The following RACGAP1 variants were observed in gnomAD, a reference collection of about 807,000 sequenced individuals.
The protein encoded by RACGAP1 is rac GTPase-activating protein 1.
Under a neutral mutation model 78.1 loss-of-function variants are expected in RACGAP1, and 30 were observed. The observed-to-expected ratio is 0.38, with a 90% CI of 0.29 to 0.52. RACGAP1 has a LOEUF of 0.52. Ranked by LOEUF, RACGAP1 falls within the 20% of genes least tolerant of loss-of-function variation. The pLI, the probability that RACGAP1 is intolerant of heterozygous loss-of-function variation, is 0.82. For missense variants in RACGAP1, 587 were observed against 777.1 expected, an observed-to-expected ratio of 0.76 and a Z score of 2.91; for synonymous variants, 231 against 264.8, an observed-to-expected ratio of 0.87 and a Z score of 1.24.
chr12:49,998,795 G>C (rs1183664216), intron 9 of RACGAP1, among the ~76,000 whole-genome samples: 1 of 151,870 alleles, frequency 6.6e-6, no homozygotes, highest in East Asian at 1.9e-4. Flanking sequence ...CTACTCAGGA[G>C]GCTGAGGCAG....
chr12:50,016,921 T>C, intron 1 of RACGAP1: 2 of 1,341,224 alleles, frequency 1.5e-6, no homozygotes, highest in Non-Finnish European at 1.9e-6. Flanking sequence ...CATCTGAAAA[T>C]TAGAAAACCA....
intron 7 of RACGAP1, among the ~76,000 whole-genome samples, chr12:50,000,199 G>A (rs1377350487): frequency 6.6e-6 from 1 of 151,900 alleles, no homozygotes; most frequent in Non-Finnish European, 1.5e-5. Flanking sequence ...ATTTTTAGTA[G>A]AGATGGGGTT....
In RACGAP1 at chr12:50,003,773, C is replaced by T. The variant is rs79952151; in HGVS notation, c.495+462G>A. Among the ~76,000 whole-genome samples, 274 of 152,298 alleles carry T rather than the reference C, an allele frequency of 1.8e-3. 7 individuals are homozygous for T. The East Asian group carries it at 0.047, about 26-fold the overall frequency. ...ATATAGTGCCTAGAAACTCTAATCA[C>T]ACTTTTCTGGCTGAAATCCCAGGAC... On this transcript the variant is annotated intron_variant, in intron 5 of 16. Coordinates refer to ENST00000312377, the MANE Select transcript of RACGAP1 (RefSeq NM_001319999.2).
At chr12:50,033,080 A>G (rs1180764675) in exon 1 of RACGAP1, 1 of 152,218 alleles carries the variant, frequency 6.6e-6, no homozygotes, top group African/African-American at 2.4e-5. Context: ...CTGGCTGCCA[A>G]CCGTCTGGCC....
At chr12:49,996,191 G>A (rs971777362) in intron 10 of RACGAP1, among the ~76,000 whole-genome samples, 38 of 151,920 alleles carry the variant, frequency 2.5e-4, no homozygotes, top group African/African-American at 9.2e-4. Flanking sequence ...GCACATGGCT[G>A]TAGTCCCAGC....
intron 6 of RACGAP1, 76 bp from the exon 7 acceptor site, chr12:50,001,328 A>C: frequency 2.4e-6 from 3 of 1,228,894 alleles, no homozygotes; most frequent in Non-Finnish European, 3.5e-6. Flanking sequence ...ATTCCATCAA[A>C]CAACTTGGAT....
intron 4 of RACGAP1, 21 bp downstream of exon 4, chr12:50,005,235 C>T (rs1329749046): frequency 6.2e-7 from 1 of 1,613,574 alleles, no homozygotes; most frequent in Non-Finnish European, 8.5e-7. Context: ...GATAGGATAA[C>T]AACAGATGCA....
intron 1 of RACGAP1, among the ~76,000 whole-genome samples, chr12:50,024,148 G>A (rs1186685681): frequency 8.6e-5 from 13 of 151,382 alleles, no homozygotes; most frequent in Non-Finnish European, 7.4e-5. Flanking sequence ...GCGACACAGC[G>A]AGACTCCGTC....
intron 2 of RACGAP1, among the ~76,000 whole-genome samples, chr12:50,006,890 T>C (rs2137455490): frequency 6.6e-6 from 1 of 152,326 alleles, no homozygotes; most frequent in Non-Finnish European, 1.5e-5. Context: ...CTATGGAATA[T>C]GTAACTCATT....
intron 4 of RACGAP1, among the ~76,000 whole-genome samples, chr12:50,004,908 G>A (rs1226284104): frequency 6.6e-6 from 1 of 152,228 alleles, no homozygotes; most frequent in African/African-American, 2.4e-5. Flanking sequence ...CAGAAGAGCT[G>A]TAAGAGCTCT....
At chr12:50,008,452 G>A (rs1949109213) in intron 2 of RACGAP1, among the ~76,000 whole-genome samples, 1 of 151,914 alleles carries the variant, frequency 6.6e-6, no homozygotes, top group African/African-American at 2.4e-5. Context: ...ACCTGCCTTG[G>A]CCTCCAAAAG....
chr12:49,992,707 C>G lies in RACGAP1; in HGVS notation c.1340-52G>C, dbSNP rs757999818. 4 of 1,446,930 alleles carry G rather than the reference C, an allele frequency of 2.8e-6. No individual in the cohort carries two copies. In the South Asian group the frequency reaches 3.6e-5, roughly 13 times the overall value. 89.6% of individuals were successfully genotyped at this position (1,446,930 alleles called of 1,614,324 possible). ...GGCCTAGACTTCTTTCCCTTGACAG[C>G]GGGCTTCCAAGTTATCGACCACAAA... On this transcript the variant is annotated intron_variant, in intron 12 of 16. Transcript: ENST00000312377.
intron 2 of RACGAP1, 31 bp from the exon 3 acceptor site, chr12:50,006,667 A>G: frequency 6.3e-7 from 1 of 1,596,572 alleles, no homozygotes; most frequent in South Asian, 1.1e-5. Context: ...TAATAATTCA[A>G]GCACCAAACA....
upstream of RACGAP1, among the ~76,000 whole-genome samples, chr12:50,030,106 AC>A (rs1466430803): frequency 1.3e-5 from 2 of 152,134 alleles, no homozygotes; most frequent in African/African-American, 4.8e-5. Flanking sequence ...CCTCCTCTCT[AC>A]AAAAAACTGA....
chr12:50,023,471 C>T lies in RACGAP1; in HGVS notation c.-5+1927G>A, dbSNP rs996385076. Among the ~76,000 whole-genome samples the T allele has an allele frequency of 1.8e-4, 27 of 152,204 alleles. 1 individual carries two copies. Among genetic ancestry groups the T allele is most frequent in the East Asian group, 1.9e-4 (1 of 5,200 alleles). ...TAAACAGGCCAGGCATGGTGGCTGA[C>T]GCCTCTAATCCCATCATTTTGAGAG... is the stretch of plus-strand genomic sequence containing the variant. On this transcript the variant is annotated intron_variant, in intron 1 of 16. Coordinates refer to ENST00000312377, the MANE Select transcript of RACGAP1 (RefSeq NM_001319999.2).
chr12:50,014,683 G>C (rs868480417), intron 2 of RACGAP1, among the ~76,000 whole-genome samples: 1 of 152,040 alleles, frequency 6.6e-6, no homozygotes, highest in Non-Finnish European at 1.5e-5. Context: ...CAGCCTCCCA[G>C]GTAGCTGGGA....
intron 5 of RACGAP1, among the ~76,000 whole-genome samples, chr12:50,003,023 C>CAAAAA (rs11326258): frequency 1.6e-5 from 1 of 64,144 alleles, no homozygotes; most frequent in Non-Finnish European, 3.6e-5. Context: ...GACTCTGTCT[C>CAAAAA]AAAAAAAAAA....
rs530765013 is a variant in RACGAP1 at position 50,012,704 on chromosome 12, A to C, written c.85+3927T>G. Among the ~76,000 whole-genome samples the C allele has an allele frequency of 1.7e-4, 26 of 152,032 alleles. No individual in the cohort carries two copies. In the South Asian group the frequency reaches 5.0e-3, roughly 29 times the overall value. On this transcript the variant is annotated intron_variant, in intron 2 of 16. Transcript: ENST00000312377. ...AACCTGGGAGGCAGAAGTTGTAGTGAGCTGAGATCGTACCACTGCACTCCA... is the reference window on the plus strand; with the variant it reads ...AACCTGGGAGGCAGAAGTTGTAGTGCGCTGAGATCGTACCACTGCACTCCA...
At chr12:50,013,050 T>C (rs1261469689) in intron 2 of RACGAP1, among the ~76,000 whole-genome samples, 1 of 150,674 alleles carries the variant, frequency 6.6e-6, no homozygotes, top group Non-Finnish European at 1.5e-5. Flanking sequence ...GCAACAAGAG[T>C]GAAACTCTTG....
Sources: allele counts gnomAD v4.1 joint callset (sites outside exome capture counted in the v4.1 genomes callset), GRCh38; gene constraint gnomAD v4.1.1; transcripts MANE v1.5; gene names NCBI Gene and HGNC (gene_info 2026-07-23, HGNC 2026-07-21).